Variants in KLHL29 observed in about 807,000 individuals in gnomAD.
The protein encoded by KLHL29 is kelch like family member 29, also known as kelch-like protein 29.
In KLHL29, 21 loss-of-function variants were observed where a neutral mutation model predicts 80.4. The ratio of observed to expected loss-of-function variants is 0.26; its 90% CI spans 0.19 to 0.38. The LOEUF (loss-of-function observed/expected upper bound fraction) is 0.38, where lower values mean the gene tolerates loss of function less well. KLHL29 is among the 10% of genes least tolerant of loss of function. The pLI is 1.00. For missense variants in KLHL29, 867 were observed against 1,223.9 expected (o/e 0.71, Z 4.35); for synonymous variants, 511 against 526.8 (o/e 0.97, Z 0.41).
In KLHL29 at chr2:23,539,431, C is replaced by CTTT. The variant is rs1666768797; in HGVS notation, c.-45-22721_-45-22720insTTT. 1.2e-4 allele frequency among the ~76,000 whole-genome samples: 13 copies of CTTT among 107,214 alleles called. 4 individuals carry two copies. The highest frequency in any genetic ancestry group is 9.3e-5 in the Non-Finnish European group (5 of 53,520). The allele number at this position is 107,214 out of a possible 152,430, so 70.3% of individuals were successfully genotyped here. A position where few individuals can be genotyped will look rare whatever the true frequency, so the allele number is the denominator to read the frequency against. ...ATGCTTTGCTAGCCTTATCCTGCCT[C>CTTT]CTTTTTTTTTTTTTTTTTTTTTTTT... On this transcript the variant is annotated intron_variant, in intron 2 of 13. Transcript: ENST00000486442.
At chr2:23,640,025 C>G (rs1301060366) in intron 4 of KLHL29, among the ~76,000 whole-genome samples, 2 of 152,194 alleles carry the variant, frequency 1.3e-5, no homozygotes, top group African/African-American at 2.4e-5. Flanking sequence ...TTCAGCACCT[C>G]TGGTCTCATC....
At chr2:23,663,516 G>C (rs1045693724) in intron 5 of KLHL29, among the ~76,000 whole-genome samples, 2 of 152,196 alleles carry the variant, frequency 1.3e-5, no homozygotes, top group African/African-American at 2.4e-5. Context: ...TTGCATATGC[G>C]TACCCTGGAT....
rs1664063959 is a variant in KLHL29, at chr2:23,456,726, A to AT, written c.-153-18831dup. Among the ~76,000 whole-genome samples the AT allele has an allele frequency of 2.6e-5, 4 of 152,316 alleles. 1 individual carries two copies. In the South Asian group the frequency reaches 8.3e-4, roughly 32 times the overall value. On this transcript the variant is annotated intron_variant, in intron 1 of 13. Coordinates refer to ENST00000486442, the MANE Select transcript of KLHL29 (RefSeq NM_052920.2). ...CTGCTGTGGGAATTTTTGACAACTT[A>AT]TTTATGAGTATTAAGATCCTGGAGT...
intron 3 of KLHL29, among the ~76,000 whole-genome samples, chr2:23,608,270 G>C (rs1376765688): frequency 2.6e-5 from 4 of 152,140 alleles, no homozygotes; most frequent in Non-Finnish European, 5.9e-5. Context: ...GTGAAGTTTT[G>C]GTCTTTTATT....
At chr2:23,418,083 C>T (rs945781958) in intron 1 of KLHL29, among the ~76,000 whole-genome samples, 4 of 152,194 alleles carry the variant, frequency 2.6e-5, no homozygotes, top group South Asian at 2.1e-4. Flanking sequence ...ATTGTAGACA[C>T]GCTGTAAGTG....
At chr2:23,532,895 C>T (rs1666540755) in intron 2 of KLHL29, among the ~76,000 whole-genome samples, 1 of 152,152 alleles carries the variant, frequency 6.6e-6, no homozygotes, top group Admixed American at 6.5e-5. Flanking sequence ...AGGGAGACAG[C>T]CCCACAGCTG....
At chr2:23,632,562 G>A (rs887466160) in intron 3 of KLHL29, among the ~76,000 whole-genome samples, 4 of 152,238 alleles carry the variant, frequency 2.6e-5, no homozygotes, top group Admixed American at 1.3e-4. Context: ...CCCCCTCCTG[G>A]AGCTCGTAGC....
rs948669114 is a variant in KLHL29 at position 23,680,755 on chromosome 2, T to C, written c.941-3644T>C. Among the ~76,000 whole-genome samples the C allele has an allele frequency of 6.8e-6, 1 of 147,644 alleles. No homozygotes were observed. The highest frequency in any genetic ancestry group is 1.5e-5 in the Non-Finnish European group (1 of 66,720). On this transcript the variant is annotated intron_variant, in intron 5 of 13. Transcript: ENST00000486442. This position sits in a 1 kb window ranked among gnomAD's most constrained non-coding sequence, Gnocchi z 4.1. ...ATCTTCCCCTGGGGTCTCTAGGCCA[T>C]CTTCTCCTGGGGTCTCTAGGCCATC...
chr2:23,456,258 G>A (rs1355961726), intron 1 of KLHL29, among the ~76,000 whole-genome samples: 3 of 152,182 alleles, frequency 2.0e-5, no homozygotes, highest in Non-Finnish European at 4.4e-5. Context: ...TAGCTGGAGG[G>A]GGCCAAGGCA....
intron 5 of KLHL29, among the ~76,000 whole-genome samples, chr2:23,664,922 C>CCAAA (rs1368309700): frequency 6.6e-5 from 10 of 152,222 alleles, no homozygotes; most frequent in African/African-American, 2.2e-4. Flanking sequence ...AGGGAATCTC[C>CCAAA]CAAACAGCCT....
intron 1 of KLHL29, among the ~76,000 whole-genome samples, chr2:23,446,403 A>C (rs1558341416): frequency 6.6e-6 from 1 of 152,168 alleles, no homozygotes; most frequent in African/African-American, 2.4e-5. Context: ...TTGACCCAGG[A>C]CAGTGTGCCT....
intron 2 of KLHL29, among the ~76,000 whole-genome samples, chr2:23,489,785 C>T (rs1420034799): frequency 1.3e-5 from 2 of 151,810 alleles, no homozygotes; most frequent in Non-Finnish European, 2.9e-5. Context: ...AACTTGCATG[C>T]GTGGAGTCTG....
At chr2:23,462,596 G>A (rs1006993950) in intron 1 of KLHL29, among the ~76,000 whole-genome samples, 3 of 152,172 alleles carry the variant, frequency 2.0e-5, no homozygotes, top group African/African-American at 2.4e-5. Flanking sequence ...AGACCTTCTA[G>A]TGTCCCTAGC....
intron 5 of KLHL29, among the ~76,000 whole-genome samples, chr2:23,650,722 C>A (rs140475440): frequency 6.5e-4 from 99 of 152,360 alleles, no homozygotes; most frequent in South Asian, 3.3e-3. Flanking sequence ...ACGCCGCTTT[C>A]TCCTGTCATG....
chr2:23,476,389 A>G (rs914956769), intron 2 of KLHL29, among the ~76,000 whole-genome samples: 1 of 152,212 alleles, frequency 6.6e-6, no homozygotes, highest in African/African-American at 2.4e-5. Context: ...AGCTAAAAGT[A>G]TATAAATGAC....
At chr2:23,417,752 G>C (rs1231979385) in intron 1 of KLHL29, among the ~76,000 whole-genome samples, 3 of 152,070 alleles carry the variant, frequency 2.0e-5, no homozygotes, top group Non-Finnish European at 4.4e-5. Context: ...ACCCTTTAGA[G>C]CTCTGCTGAA....
At chr2:23,461,976 A>ATTTTTTTTT (rs10659814) in intron 1 of KLHL29, among the ~76,000 whole-genome samples, 9 of 141,256 alleles carry the variant, frequency 6.4e-5, no homozygotes, top group African/African-American at 1.4e-4. Flanking sequence ...GGTTTTTGCC[A>ATTTTTTTTT]TTTTTTTTTT....
chr2:23,501,959 T>C (rs1167056636), intron 2 of KLHL29, among the ~76,000 whole-genome samples: 4 of 152,188 alleles, frequency 2.6e-5, no homozygotes, highest in African/African-American at 9.7e-5. Context: ...TTAATTTTAA[T>C]TTTAAAACAT....
chr2:23,625,900 G>A (rs1669297451), intron 3 of KLHL29, among the ~76,000 whole-genome samples: 1 of 152,214 alleles, frequency 6.6e-6, no homozygotes, highest in African/African-American at 2.4e-5. Context: ...TGAGGACACG[G>A]CAAGAAGGCA....
Sources: allele counts gnomAD v4.1 joint callset (sites outside exome capture counted in the v4.1 genomes callset), GRCh38; gene constraint gnomAD v4.1.1; non-coding constraint Gnocchi (gnomAD v3.1); transcripts MANE v1.5; gene names NCBI Gene and HGNC (gene_info 2026-07-23, HGNC 2026-07-21).